Variants in SSH2 observed in about 807,000 individuals in gnomAD.
SSH2 encodes protein phosphatase Slingshot homolog 2.
In SSH2, 37 loss-of-function variants were observed where a neutral mutation model predicts 135.2. The observed-to-expected ratio is 0.27, with a 90% CI of 0.21 to 0.36. SSH2 has a LOEUF of 0.36. Among genes scored for constraint, SSH2 ranks in the 10% least tolerant of loss-of-function variants. The pLI is 1.00. For synonymous variants in SSH2, 628 were observed against 646.2 expected, an observed-to-expected ratio of 0.97 and a Z score of 0.43; for missense variants, 1,408 against 1,765.3, an observed-to-expected ratio of 0.80 and a Z score of 3.63.
chr17:29,667,910 C>T (rs2037343988), intron 9 of SSH2, among the ~76,000 whole-genome samples: 1 of 152,166 alleles, frequency 6.6e-6, no homozygotes, highest in Admixed American at 6.5e-5. Flanking sequence ...AAAATAAAAT[C>T]ACCCTTGGAA....
chr17:29,867,844 G>A (rs1480874126), intron 1 of SSH2, among the ~76,000 whole-genome samples: 1 of 152,140 alleles, frequency 6.6e-6, no homozygotes, highest in African/African-American at 2.4e-5. Context: ...TTTAGCTCTA[G>A]TATTAGAAGA....
At chr17:29,662,066 T>C (rs1013785976) in intron 11 of SSH2, among the ~76,000 whole-genome samples, 5 of 152,232 alleles carry the variant, frequency 3.3e-5, no homozygotes, top group Non-Finnish European at 7.3e-5. Flanking sequence ...GACGTAATTC[T>C]ACCAGGGTTT....
At chr17:29,642,059 A>AT (rs2036186323) in intron 14 of SSH2, among the ~76,000 whole-genome samples, 2 of 151,668 alleles carry the variant, frequency 1.3e-5, no homozygotes, top group South Asian at 4.2e-4. Context: ...TTATCTGAAT[A>AT]TTTTTTTGTG....
chr17:29,704,229 A>T (rs59499183), intron 3 of SSH2, among the ~76,000 whole-genome samples: 1 of 152,218 alleles, frequency 6.6e-6, no homozygotes, highest in Non-Finnish European at 1.5e-5. Context: ...TGCAAAAAAA[A>T]TTTGTTTAAA....
chr17:29,898,466 G>A (rs2066485747), intron 1 of SSH2, among the ~76,000 whole-genome samples: 1 of 152,128 alleles, frequency 6.6e-6, no homozygotes, highest in Non-Finnish European at 1.5e-5. Flanking sequence ...CGATCCCACA[G>A]AAATACAAAC....
intron 3 of SSH2, among the ~76,000 whole-genome samples, chr17:29,708,296 A>C (rs1344986167): frequency 6.6e-6 from 1 of 152,152 alleles, no homozygotes; most frequent in African/African-American, 2.4e-5. Context: ...CTAATTAAAA[A>C]GTCTGTTCTT....
chr17:29,810,095 T>C (rs2042415104), intron 2 of SSH2, among the ~76,000 whole-genome samples: 1 of 152,186 alleles, frequency 6.6e-6, no homozygotes, highest in Non-Finnish European at 1.5e-5. Context: ...AATAAAAATT[T>C]TGAATAAATG....
chr17:29,740,231 G>A (rs1163576266), intron 3 of SSH2, among the ~76,000 whole-genome samples: 3 of 152,192 alleles, frequency 2.0e-5, no homozygotes, highest in African/African-American at 4.8e-5. Context: ...AGAAGGTGCT[G>A]AACTCATCCT....
At chr17:29,661,551 G>C (rs1383217117) in intron 11 of SSH2, among the ~76,000 whole-genome samples, 1 of 152,104 alleles carries the variant, frequency 6.6e-6, no homozygotes, top group Non-Finnish European at 1.5e-5. Flanking sequence ...AAATATGGGA[G>C]GCTCTGAAGG....
chr17:29,699,746 T>C (rs766167252), intron 4 of SSH2, among the ~76,000 whole-genome samples: 15 of 152,208 alleles, frequency 9.9e-5, no homozygotes, highest in Non-Finnish European at 1.9e-4. Context: ...TTGTCTTCTT[T>C]TTACTGTAAG....
chr17:29,887,631 T>C (rs776803918), intron 1 of SSH2, among the ~76,000 whole-genome samples: 24 of 152,196 alleles, frequency 1.6e-4, no homozygotes, highest in Admixed American at 9.2e-4. Context: ...CAGATCATAT[T>C]GATAAAGAGT....
intron 6 of SSH2, among the ~76,000 whole-genome samples, chr17:29,679,371 C>A (rs116930376): frequency 6.6e-6 from 1 of 151,628 alleles, no homozygotes; most frequent in East Asian, 1.9e-4. Context: ...TGGTTTCTTG[C>A]ACTAACTGTA....
rs2067064715 is a variant in SSH2 at position 29,926,355 on chromosome 17, A to G, written c.63+3583T>C. ...GGAGTTTGAGACCAGCCAGGGCAAC[A>G]TGGCGAAACCCCATCTCTACAAAAA... On this transcript the variant is annotated intron_variant, in intron 1 of 15. Transcript: ENST00000540801. 2.0e-5 allele frequency among the ~76,000 whole-genome samples: 3 copies of G among 151,292 alleles called. No homozygotes were observed. The South Asian group carries it at 6.3e-4, about 32-fold the overall frequency.
At position 29,626,279 on chromosome 17, in the gene SSH2, AAAG is replaced by A. The variant is rs1188605201; in HGVS notation, c.*4559_*4561del. 3 of 151,008 alleles carry A rather than the reference AAAG, an allele frequency of 2.0e-5. No homozygotes were observed. Among genetic ancestry groups the A allele is most frequent in the Non-Finnish European group, 4.4e-5 (3 of 67,492 alleles). 9.4% of individuals were successfully genotyped at this position (151,008 alleles called of 1,614,324 possible). A position where few individuals can be genotyped will look rare whatever the true frequency, so the allele number is the denominator to read the frequency against. The stretch of plus-strand genomic sequence containing the variant: ...GAACAAGTCCTACAAAACAAAGCAG[AAAG>A]AAAAAAAAAAAAAAAGAAAAGTAAA... On this transcript the variant is annotated 3_prime_UTR_variant, in exon 16 of 16. Transcript: ENST00000540801.
chr17:29,812,901 A>C (rs2042471063), intron 2 of SSH2, among the ~76,000 whole-genome samples: 1 of 151,998 alleles, frequency 6.6e-6, no homozygotes, highest in Admixed American at 6.6e-5. Flanking sequence ...AAACAAACAA[A>C]CAAACAAACA....
At chr17:29,690,265 C>T (rs1431248896) in intron 5 of SSH2, among the ~76,000 whole-genome samples, 2 of 151,602 alleles carry the variant, frequency 1.3e-5, no homozygotes, top group African/African-American at 2.4e-5. Context: ...ATTAGCCAGG[C>T]GTGGTGGCGC....
intron 5 of SSH2, among the ~76,000 whole-genome samples, chr17:29,686,052 T>C (rs1396822875): frequency 1.3e-5 from 2 of 151,868 alleles, no homozygotes; most frequent in Non-Finnish European, 2.9e-5. Flanking sequence ...TTCTCCATGT[T>C]GGTCAGGCTG....
intron 12 of SSH2, among the ~76,000 whole-genome samples, chr17:29,655,190 G>C (rs912444541): frequency 2.6e-5 from 4 of 151,722 alleles, no homozygotes; most frequent in Non-Finnish European, 5.9e-5. Context: ...TGCAAGCTCC[G>C]CCTCCCAGGT....
chr17:29,777,803 A>AC (rs946746456), intron 3 of SSH2: 10 of 152,698 alleles, frequency 6.5e-5, no homozygotes, highest in African/African-American at 9.7e-5. Context: ...GAAAAAAAAA[A>AC]AAAAAAAAAA....
Sources: allele counts gnomAD v4.1 joint callset (sites outside exome capture counted in the v4.1 genomes callset), GRCh38; gene constraint gnomAD v4.1.1; transcripts MANE v1.5; gene names NCBI Gene and HGNC (gene_info 2026-07-23, HGNC 2026-07-21).